The following AHDC1 variants were observed in gnomAD, a reference collection of about 807,000 sequenced individuals.
The protein encoded by AHDC1 is AT-hook DNA binding motif containing 1.
AHDC1 carries 7 observed loss-of-function variants against 87.9 expected under a neutral mutation model. That is an observed-to-expected ratio of 0.08 (90% CI 0.05 to 0.15). The LOEUF (loss-of-function observed/expected upper bound fraction) is 0.15, where lower values mean the gene tolerates loss of function less well. Among genes scored for constraint, AHDC1 ranks in the 10% least tolerant of loss-of-function variants. The probability of loss-of-function intolerance (pLI) is 1.00; values close to 1 mark genes in which losing one functional copy is unlikely to be tolerated. For synonymous variants in AHDC1, 1,051 were observed against 1,006.8 expected, an observed-to-expected ratio of 1.04 and a Z score of -0.83; for missense variants, 1,841 against 2,253.2, an observed-to-expected ratio of 0.82 and a Z score of 3.70.
intron 8 of AHDC1, among the ~76,000 whole-genome samples, chr1:27,540,266 A>G (rs768623893): frequency 6.6e-6 from 1 of 152,026 alleles, no homozygotes; most frequent in Non-Finnish European, 1.5e-5. Flanking sequence ...GTTTATTTAC[A>G]CACCCTGTCC....
chr1:27,594,784 C>A (rs1383531358), intron 3 of AHDC1, among the ~76,000 whole-genome samples: 6 of 151,980 alleles, frequency 3.9e-5, no homozygotes, highest in Admixed American at 3.9e-4. Flanking sequence ...CTGGAATGTG[C>A]CAACGGTGGG....
intron 3 of AHDC1, among the ~76,000 whole-genome samples, chr1:27,581,934 C>T (rs932398231): frequency 2.0e-5 from 3 of 152,322 alleles, no homozygotes; most frequent in Non-Finnish European, 2.9e-5. Flanking sequence ...ACACTCACTC[C>T]GTTCTGGACA....
In AHDC1 at chr1:27,548,274, G is replaced by A; in HGVS notation, c.3842C>T (p.Ser1281Leu). 5 of 1,609,648 alleles carry A rather than the reference G, an allele frequency of 3.1e-6. No homozygotes were observed. Among genetic ancestry groups the A allele is most frequent in the Non-Finnish European group, 4.2e-6 (5 of 1,177,582 alleles). Residue 1281 changes from serine (S) to leucine (L), a missense_variant, in exon 8 of 9, where the codon TCA (serine) becomes TTA (leucine). Coordinates refer to ENST00000673934, the MANE Select transcript of AHDC1 (RefSeq NM_001371928.1). The stretch of plus-strand genomic sequence containing the variant: ...TGCGCCACCCCGCTCCTTCTTGGCT[G>A]AGCAGGCCCCACCGCCCCGTCCACC... ...PRGGRGGGAC[S>L]AKKERGGAAA...
At chr1:27,535,411 T>C (rs1336794699) in intron 8 of AHDC1, among the ~76,000 whole-genome samples, 1 of 152,166 alleles carries the variant, frequency 6.6e-6, no homozygotes, top group Admixed American at 6.5e-5. Context: ...TTATACTGAT[T>C]ATTATTCATT....
chr1:27,568,652 C>G (rs2020428263), intron 3 of AHDC1, among the ~76,000 whole-genome samples: 1 of 151,820 alleles, frequency 6.6e-6, no homozygotes, highest in African/African-American at 2.4e-5. Context: ...TCGCTAGGGG[C>G]GGGGTCGGGG....
At chr1:27,596,633 T>A (rs948197855) in intron 3 of AHDC1, among the ~76,000 whole-genome samples, 5 of 151,862 alleles carry the variant, frequency 3.3e-5, no homozygotes, top group Non-Finnish European at 7.4e-5. Flanking sequence ...CATATCTGCA[T>A]AGTCCCTACA....
At position 27,563,229 on chromosome 1, in the gene AHDC1, A is replaced by G. The variant is rs536619437; in HGVS notation, c.-628-4346T>C. On this transcript the variant is annotated intron_variant, in intron 3 of 8. Transcript: ENST00000673934. The surrounding 1 kb of genome is among the most constrained non-coding windows in gnomAD (Gnocchi z 6.1). ...ACAGAACCTGTCACACAGCTGACCA[A>G]GACACACACACACGCACGCATGCAT... Among the ~76,000 whole-genome samples, 641 of 151,584 alleles carry G rather than the reference A, an allele frequency of 4.2e-3. 5 individuals carry two copies. Among genetic ancestry groups the G allele is most frequent in the African/African-American group, 0.015 (617 of 41,168 alleles).
chr1:27,544,380 GTTTT>G (rs1047062078), intron 8 of AHDC1, among the ~76,000 whole-genome samples: 2 of 152,176 alleles, frequency 1.3e-5, no homozygotes, highest in Non-Finnish European at 2.9e-5. Context: ...GTGTTTTCAG[GTTTT>G]TTGTGTACTT....
At position 27,595,746 on chromosome 1, in the gene AHDC1, G is replaced by A. The variant is rs2089352500; in HGVS notation, c.-629+7651C>T. 6.6e-6 allele frequency among the ~76,000 whole-genome samples: 1 copy of A among 152,018 alleles called. No individual in the cohort carries two copies. The highest frequency in any genetic ancestry group is 2.1e-4 in the South Asian group (1 of 4,826). ...CTCTGATATCAGAGATGTGCCACAG[G>A]CTATCGTCCGTGCATGCACAGGTAT... On this transcript the variant is annotated intron_variant, in intron 3 of 8. Transcript: ENST00000673934. The surrounding 1 kb of genome is among the most constrained non-coding windows in gnomAD (Gnocchi z 4.0).
chr1:27,597,085 G>A (rs1251546742), intron 3 of AHDC1, among the ~76,000 whole-genome samples: 1 of 152,210 alleles, frequency 6.6e-6, no homozygotes, highest in Non-Finnish European at 1.5e-5. Flanking sequence ...TTCCAGAAGG[G>A]CTCTCACCGA....
At chr1:27,583,410 A>G (rs1462071164) in intron 3 of AHDC1, among the ~76,000 whole-genome samples, 1 of 152,160 alleles carries the variant, frequency 6.6e-6, no homozygotes, top group East Asian at 1.9e-4. Context: ...CTCTTCTGGG[A>G]AGCCCTCCCT....
intron 3 of AHDC1, among the ~76,000 whole-genome samples, chr1:27,583,235 C>A (rs1286310863): frequency 1.3e-5 from 2 of 152,198 alleles, no homozygotes; most frequent in Non-Finnish European, 2.9e-5. Flanking sequence ...CTTGAGGCCA[C>A]CAGCCCTCCC....
At chr1:27,579,623 C>A (rs1195413915) in intron 3 of AHDC1, among the ~76,000 whole-genome samples, 1 of 152,164 alleles carries the variant, frequency 6.6e-6, no homozygotes, top group African/African-American at 2.4e-5. Context: ...AATCTACACA[C>A]CCCTCAGGAG....
intron 3 of AHDC1, among the ~76,000 whole-genome samples, chr1:27,588,051 G>A (rs908271456): frequency 6.6e-6 from 1 of 152,178 alleles, no homozygotes; most frequent in African/African-American, 2.4e-5. Flanking sequence ...GAAGCCCACT[G>A]GATAAAACTG....
chr1:27,556,068 GTCTGAGCT>G (rs2019801992), intron 5 of AHDC1, among the ~76,000 whole-genome samples: 2 of 152,188 alleles, frequency 1.3e-5, no homozygotes, highest in Non-Finnish European at 2.9e-5. Context: ...GGGTCAGTGT[GTCTGAGCT>G]TGCCCATAGG....
Position 27,546,355 on chromosome 1 carries a change from A to G in AHDC1, c.*43+906T>C, listed in dbSNP as rs148242405. 1.1e-3 allele frequency among the ~76,000 whole-genome samples: 163 copies of G among 152,260 alleles called. 3 individuals are homozygous for G. In the East Asian group the frequency reaches 0.012, roughly 11 times the overall value. On this transcript the variant is annotated intron_variant, in intron 8 of 8. Coordinates refer to ENST00000673934, the MANE Select transcript of AHDC1 (RefSeq NM_001371928.1). ...TTTATTTTCCTTTTTTAAAACACCA[A>G]ATCTTGAGAATACTAAAACTGACTC...
chr1:27,547,580 G>A lies in AHDC1; in HGVS notation c.4536C>T (p.Pro1512=). ...APHLASPPAT[P]KADKEPLEMA... The stretch of plus-strand genomic sequence containing the variant: ...TTTCCAGTGGCTCCTTGTCGGCCTT[G>A]GGCGTGGCTGGTGGGCTAGCCAGGT... Residue 1512 remains proline, a synonymous_variant, in exon 8 of 9, where the codon CCC becomes CCT. Transcript: ENST00000673934. The surrounding 1 kb of genome is among the most constrained non-coding windows in gnomAD (Gnocchi z 4.9). 6.2e-7 allele frequency: 1 copy of A among 1,608,550 alleles called. No homozygotes were observed. The highest frequency in any genetic ancestry group is 8.5e-7 in the Non-Finnish European group (1 of 1,178,142).
Position 27,549,217 on chromosome 1 carries a change from A to T in AHDC1, c.2899T>A (p.Tyr967Asn), listed in dbSNP as rs769762214. 1 of 1,602,610 alleles carries T rather than the reference A, an allele frequency of 6.2e-7. No homozygotes were observed. The highest frequency in any genetic ancestry group is 8.5e-7 in the Non-Finnish European group (1 of 1,174,176). The part of the protein sequence containing the change: ...SPTTHPPANT[Y>N]LPQYGGYGAG... ...CCATAGCCGCCGTACTGGGGCAGGT[A>T]GGTGTTGGCAGGCGGGTGGGTGGTA... is the stretch of plus-strand genomic sequence containing the variant. Residue 967 changes from tyrosine to asparagine, a missense_variant, in exon 8 of 9, where the codon TAC (tyrosine) becomes AAC (asparagine). Tyr to Asn is a moderately radical substitution (Grantham distance 143). Around this residue, in one of 13 missense-constraint regions of AHDC1, gnomAD observed 378 missense variants for 399.0 expected, o/e 0.95. Coordinates refer to ENST00000673934, the MANE Select transcript of AHDC1 (RefSeq NM_001371928.1).
Position 27,548,735 on chromosome 1 carries a change from G to C in AHDC1, c.3381C>G (p.Leu1127=), listed in dbSNP as rs142237455. Residue 1127 remains leucine (L), a synonymous_variant, in exon 8 of 9, where the codon CTC becomes CTG. Coordinates refer to ENST00000673934, the MANE Select transcript of AHDC1 (RefSeq NM_001371928.1). ...LDWASEAFSQ[L]YNPSFDCHVS... is the part of the protein sequence containing the mutation. The stretch of plus-strand genomic sequence containing the variant: ...CGTGGCAGTCAAAACTGGGATTGTA[G>C]AGCTGACTAAAGGCCTCTGAGGCCC... 4.3e-6 allele frequency: 7 copies of C among 1,613,298 alleles called. No homozygotes were observed. The highest frequency in any genetic ancestry group is 5.9e-6 in the Non-Finnish European group (7 of 1,180,040).
Sources: gnomAD v4.1 joint callset for allele counts (sites outside exome capture counted in the v4.1 genomes callset) on GRCh38, gnomAD v4.1.1 for gene constraint, gnomAD v4.1.1 regional missense constraint, Gnocchi (gnomAD v3.1) non-coding constraint, MANE v1.5 for transcripts, NCBI Gene and HGNC (gene_info 2026-07-23, HGNC 2026-07-21) for gene names.